BABAM2: variants seen among roughly 807,000 people sequenced by gnomAD.
BABAM2 encodes the protein BRISC and BRCA1-A complex member 2.
BABAM2 carries 31 observed loss-of-function variants against 54.7 expected under a neutral mutation model. That is an observed-to-expected ratio of 0.57 (90% CI 0.43 to 0.77). BABAM2 has a LOEUF of 0.77. Among genes scored for constraint, BABAM2 ranks in the 30% least tolerant of loss-of-function variants. The probability of loss-of-function intolerance (pLI) is 0.00; values close to 1 mark genes in which losing one functional copy is unlikely to be tolerated. For missense variants in BABAM2, 364 were observed against 455.8 expected, an observed-to-expected ratio of 0.80 and a Z score of 1.83; for synonymous variants, 167 against 162.9, an observed-to-expected ratio of 1.03 and a Z score of -0.19.
At chr2:27,957,211 A>G (rs966611089) in intron 3 of BABAM2, among the ~76,000 whole-genome samples, 4 of 152,180 alleles carry the variant, frequency 2.6e-5, no homozygotes, top group African/African-American at 4.8e-5. Context: ...GTGCCAGGCA[A>G]TTGCAGGGAT....
intron 6 of BABAM2, among the ~76,000 whole-genome samples, chr2:28,071,716 T>A (rs1023719452): frequency 6.6e-6 from 1 of 152,236 alleles, no homozygotes; most frequent in Non-Finnish European, 1.5e-5. Context: ...GGATAAATGC[T>A]TCTTCTATTT....
intron 3 of BABAM2, among the ~76,000 whole-genome samples, chr2:27,986,393 A>G (rs1378062983): frequency 6.6e-6 from 1 of 151,988 alleles, no homozygotes; most frequent in Non-Finnish European, 1.5e-5. Context: ...CATAGTGGCT[A>G]TGGCAAAGTT....
chr2:28,277,702 C>T (rs892593650), intron 10 of BABAM2, among the ~76,000 whole-genome samples: 1 of 152,152 alleles, frequency 6.6e-6, no homozygotes, highest in African/African-American at 2.4e-5. Context: ...CAAGAGCGTT[C>T]GGGCATGCAG....
chr2:28,130,893 C>T (rs1456299322), intron 7 of BABAM2, among the ~76,000 whole-genome samples: 3 of 151,910 alleles, frequency 2.0e-5, no homozygotes, highest in African/African-American at 4.8e-5. Flanking sequence ...GCACCAGCCA[C>T]CACGCCCAGC....
chr2:28,062,277 A>G (rs1678942484), intron 6 of BABAM2, among the ~76,000 whole-genome samples: 1 of 151,194 alleles, frequency 6.6e-6, no homozygotes, highest in South Asian at 2.1e-4. Context: ...AAAAAAACAA[A>G]AAACCTGGCC....
chr2:28,243,151 A>AAAG (rs1250180038), intron 9 of BABAM2, among the ~76,000 whole-genome samples: 3 of 152,166 alleles, frequency 2.0e-5, no homozygotes, highest in Admixed American at 2.0e-4. Flanking sequence ...GTAGTATACT[A>AAAG]AAAAGGACTA....
chr2:28,335,202 C>T (rs1425261691), intron 11 of BABAM2, among the ~76,000 whole-genome samples: 2 of 133,746 alleles, frequency 1.5e-5, no homozygotes, highest in South Asian at 2.4e-4. Context: ...CTGGCTCTGC[C>T]GCCCAGGCTG....
intron 7 of BABAM2, among the ~76,000 whole-genome samples, chr2:28,214,236 C>T (rs1016005792): frequency 6.6e-6 from 1 of 152,032 alleles, no homozygotes; most frequent in Non-Finnish European, 1.5e-5. Flanking sequence ...ATGTAAACAC[C>T]ACCACAATCA....
At chr2:27,952,804 T>G (rs934454348) in intron 3 of BABAM2, among the ~76,000 whole-genome samples, 3 of 152,300 alleles carry the variant, frequency 2.0e-5, no homozygotes, top group Middle Eastern at 3.4e-3. Flanking sequence ...AATTGTGTAT[T>G]GAAATTAAAA....
At chr2:28,119,008 G>A (rs1668837564) in intron 6 of BABAM2, among the ~76,000 whole-genome samples, 1 of 152,074 alleles carries the variant, frequency 6.6e-6, no homozygotes, top group Non-Finnish European at 1.5e-5. Flanking sequence ...GTTTTTGTCA[G>A]GTTTGTCGAA....
chr2:28,162,127 G>C (rs1424230212), intron 7 of BABAM2, among the ~76,000 whole-genome samples: 1 of 152,112 alleles, frequency 6.6e-6, no homozygotes, highest in African/African-American at 2.4e-5. Context: ...AGTTGTAATT[G>C]TTTAAATAAA....
At chr2:28,104,578 T>G (rs1242097501) in intron 6 of BABAM2, among the ~76,000 whole-genome samples, 1 of 152,208 alleles carries the variant, frequency 6.6e-6, no homozygotes, top group Non-Finnish European at 1.5e-5. Flanking sequence ...GGAACACTTT[T>G]ACACTGTTGG....
intron 7 of BABAM2, among the ~76,000 whole-genome samples, chr2:28,226,762 G>T (rs943878621): frequency 6.6e-6 from 1 of 152,088 alleles, no homozygotes. Context: ...GGAGAACTGG[G>T]CCAGTGCCCT....
intron 11 of BABAM2, among the ~76,000 whole-genome samples, chr2:28,324,066 C>T (rs1223184466): frequency 6.6e-6 from 1 of 152,184 alleles, no homozygotes. Context: ...CCTGTAGACA[C>T]ACAGAGCTAC....
chr2:28,306,884 G>A (rs961631296), intron 11 of BABAM2, among the ~76,000 whole-genome samples: 4 of 150,752 alleles, frequency 2.7e-5, no homozygotes, highest in African/African-American at 9.8e-5. Flanking sequence ...TTTTAGTAGA[G>A]ACGGGGTTTC....
chr2:28,265,202 C>T (rs1031308053), intron 10 of BABAM2, among the ~76,000 whole-genome samples: 3 of 152,012 alleles, frequency 2.0e-5, no homozygotes, highest in Non-Finnish European at 2.9e-5. Context: ...TTTGGGAGGC[C>T]GAGGCGGAGG....
At chr2:28,302,278 A>G (rs975917220) in intron 11 of BABAM2, among the ~76,000 whole-genome samples, 11 of 152,088 alleles carry the variant, frequency 7.2e-5, no homozygotes, top group East Asian at 1.9e-4. Context: ...TTAGCAGGGC[A>G]TGCTGGCACA....
chr2:28,115,511 A>G (rs552343132), intron 6 of BABAM2, among the ~76,000 whole-genome samples: 5 of 152,230 alleles, frequency 3.3e-5, no homozygotes, highest in African/African-American at 9.6e-5. Flanking sequence ...CTGTAGTCCC[A>G]GCTACTCGGG....
intron 7 of BABAM2, among the ~76,000 whole-genome samples, chr2:28,215,430 G>T (rs966294940): frequency 2.6e-5 from 4 of 152,162 alleles, no homozygotes; most frequent in Admixed American, 2.6e-4. Flanking sequence ...TGTTGTTGAT[G>T]CAGCACTGAT....
Sources: gnomAD v4.1 joint callset for allele counts (sites outside exome capture counted in the v4.1 genomes callset) on GRCh38, gnomAD v4.1.1 for gene constraint, MANE v1.5 for transcripts, NCBI Gene and HGNC (gene_info 2026-07-23, HGNC 2026-07-21) for gene names.